CHN2: variants seen among roughly 807,000 people sequenced by gnomAD.
CHN2 encodes beta-chimaerin.
CHN2 carries 35 observed loss-of-function variants against 56.3 expected under a neutral mutation model. The observed-to-expected ratio is 0.62, with a 90% CI of 0.47 to 0.82. The LOEUF (loss-of-function observed/expected upper bound fraction) is 0.82. Among genes scored for constraint, CHN2 ranks in the 40% least tolerant of loss-of-function variants. The probability of loss-of-function intolerance (pLI) is 0.00; values close to 1 mark genes in which losing one functional copy is unlikely to be tolerated. For synonymous variants in CHN2, 210 were observed against 212.8 expected (o/e 0.99, Z 0.12); for missense variants, 491 against 580.5 (o/e 0.85, Z 1.58).
intron 2 of CHN2, among the ~76,000 whole-genome samples, chr7:29,181,002 A>G (rs1320560150): frequency 4.6e-5 from 7 of 152,264 alleles, no homozygotes; most frequent in Non-Finnish European, 8.8e-5. Flanking sequence ...AGTTTGCAAA[A>G]GAAGAAATAC....
chr7:29,294,642 C>T (rs1423185620), intron 1 of CHN2, among the ~76,000 whole-genome samples: 1 of 152,208 alleles, frequency 6.6e-6, no homozygotes, highest in Non-Finnish European at 1.5e-5. Context: ...CTGAGAGACT[C>T]TGCTCAAAAT....
intron 1 of CHN2, among the ~76,000 whole-genome samples, chr7:29,242,813 A>G (rs1787793849): frequency 6.7e-6 from 1 of 148,828 alleles, no homozygotes; most frequent in Non-Finnish European, 1.5e-5. Context: ...AAAGATTCAG[A>G]TGACATTTCT....
intron 6 of CHN2, among the ~76,000 whole-genome samples, chr7:29,478,555 G>A (rs1199424244): frequency 6.6e-6 from 1 of 152,186 alleles, no homozygotes; most frequent in Non-Finnish European, 1.5e-5. Context: ...TACCGAGGCA[G>A]CAGGACACAG....
Position 29,393,660 on chromosome 7 carries a change from T to TG in CHN2, c.145-19_145-18insG, listed in dbSNP as rs1377289683. The TG allele has an allele frequency of 1.1e-6, 1 of 884,048 alleles. No homozygotes were observed. The highest frequency in any genetic ancestry group is 1.7e-5 in the African/African-American group (1 of 57,230). 54.8% of individuals were successfully genotyped at this position (884,048 alleles called of 1,614,324 possible). On this transcript the variant is annotated intron_variant, in intron 3 of 12. Transcript: ENST00000222792. The stretch of plus-strand genomic sequence containing the variant: ...TTGAATTCAAATGCATTATTAATTT[T>TG]TTTTTCTTTTTAATATAGGTGGAAA...
chr7:29,466,511 G>A (rs1485154723), intron 6 of CHN2, among the ~76,000 whole-genome samples: 2 of 152,118 alleles, frequency 1.3e-5, no homozygotes, highest in Admixed American at 6.6e-5. Context: ...AATCATGTTT[G>A]TACATGTCAT....
At chr7:29,374,801 T>TTTCCCTCCTTCC (rs1554281981) in intron 3 of CHN2, among the ~76,000 whole-genome samples, 1 of 128,186 alleles carries the variant, frequency 7.8e-6, no homozygotes, top group Admixed American at 8.0e-5. Context: ...TATTTCTTTA[T>TTTCCCTCCTTCC]TTCCTTCCTT....
chr7:29,496,243 G>GAA (rs70980542), intron 8 of CHN2, among the ~76,000 whole-genome samples: 17 of 132,250 alleles, frequency 1.3e-4, no homozygotes, highest in Admixed American at 1.5e-4. Flanking sequence ...TGCAAGAAAA[G>GAA]AAAAAAAAAA....
At chr7:29,331,430 C>T (rs1796201479) in intron 1 of CHN2, among the ~76,000 whole-genome samples, 1 of 152,138 alleles carries the variant, frequency 6.6e-6, no homozygotes, top group Non-Finnish European at 1.5e-5. Flanking sequence ...ACAGTGGTGG[C>T]TGTAGGGGGT....
rs192600079 is a variant in CHN2, at chr7:29,311,414, C to T, written c.50-43211C>T. On this transcript the variant is annotated intron_variant, in intron 1 of 12. Coordinates refer to ENST00000222792, the MANE Select transcript of CHN2 (RefSeq NM_004067.4). The stretch of plus-strand genomic sequence containing the variant: ...TCACAGAACCTTTTAATCTCTACTG[C>T]GCTTCCTGACACTTACTTTGTGCCA... Among the ~76,000 whole-genome samples, 14 of 152,368 alleles carry T rather than the reference C, an allele frequency of 9.2e-5. No individual in the cohort carries two copies. The East Asian group carries it at 1.7e-3, about 19-fold the overall frequency.
chr7:29,398,462 C>G lies in CHN2; in HGVS notation c.266C>G (p.Pro89Arg). 2 of 1,612,880 alleles carry G rather than the reference C, an allele frequency of 1.2e-6. No homozygotes were observed. Among genetic ancestry groups the G allele is most frequent in the Non-Finnish European group, 1.7e-6 (2 of 1,179,434 alleles). ...ATCCTTAGAGAAAGCCAGCGGCAAC[C>G]AGGATGCTACACGCTGGCTCTCAGG... Reference protein sequence around the residue: ...AYILRESQRQPGCYTLALRFG... With the variant: ...AYILRESQRQRGCYTLALRFG... The change falls in exon 5 of 13, where the codon CCA becomes CGA. Residue 89 changes from proline to arginine, a missense_variant. Transcript: ENST00000222792.
chr7:29,389,496 G>C (rs750903891), intron 3 of CHN2, among the ~76,000 whole-genome samples: 22 of 152,078 alleles, frequency 1.4e-4, no homozygotes, highest in Non-Finnish European at 2.8e-4. Flanking sequence ...CAGCTGGTTC[G>C]AGATGGGGAT....
intron 9 of CHN2, among the ~76,000 whole-genome samples, chr7:29,504,095 A>G (rs981860831): frequency 6.6e-6 from 1 of 152,252 alleles, no homozygotes; most frequent in Non-Finnish European, 1.5e-5. Context: ...GTTTTTAATT[A>G]AACAGTTAAC....
chr7:29,508,846 T>C (rs6462147), intron 11 of CHN2, among the ~76,000 whole-genome samples: 26,119 of 152,124 alleles, frequency 0.17, 3,183 homozygotes, highest in African/African-American at 0.33. Flanking sequence ...CCAATGTCCT[T>C]GCCTTGTAAA....
chr7:29,370,800 C>A (rs747220520), intron 3 of CHN2, among the ~76,000 whole-genome samples: 49 of 152,130 alleles, frequency 3.2e-4, no homozygotes, highest in Non-Finnish European at 6.0e-4. Context: ...TCAACAGATA[C>A]CAACTACTTA....
At chr7:29,342,409 C>T (rs1208470101) in intron 1 of CHN2, among the ~76,000 whole-genome samples, 4 of 152,112 alleles carry the variant, frequency 2.6e-5, no homozygotes, top group Admixed American at 1.3e-4. Context: ...TACTTGACTC[C>T]GAATATACTA....
intron 7 of CHN2, among the ~76,000 whole-genome samples, chr7:29,492,784 T>C (rs527344930): frequency 2.6e-4 from 40 of 152,354 alleles, no homozygotes; most frequent in African/African-American, 8.9e-4. Context: ...AAGAGATTGC[T>C]GTTGCTAAGG....
chr7:29,347,255 T>TA (rs1429794541), intron 1 of CHN2, among the ~76,000 whole-genome samples: 1 of 152,132 alleles, frequency 6.6e-6, no homozygotes, highest in Non-Finnish European at 1.5e-5. Flanking sequence ...CCTTTTAAAA[T>TA]AAAAAATACA....
chr7:29,481,175 A>G (rs554804520), intron 7 of CHN2, among the ~76,000 whole-genome samples: 13 of 152,200 alleles, frequency 8.5e-5, no homozygotes, highest in Non-Finnish European at 1.9e-4. Flanking sequence ...TTAGAGTTAG[A>G]GGCTTCACCC....
intron 1 of CHN2, among the ~76,000 whole-genome samples, chr7:29,322,022 C>T (rs949385505): frequency 1.3e-5 from 2 of 152,144 alleles, no homozygotes; most frequent in Admixed American, 1.3e-4. Flanking sequence ...GCTCTTAGCC[C>T]TTGGATATTT....
Sources: gnomAD v4.1 joint callset for allele counts (sites outside exome capture counted in the v4.1 genomes callset) on GRCh38, gnomAD v4.1.1 for gene constraint, MANE v1.5 for transcripts, NCBI Gene and HGNC (gene_info 2026-07-23, HGNC 2026-07-21) for gene names.